PALLD: variants seen among roughly 807,000 people sequenced by gnomAD.
PALLD encodes palladin, cytoskeletal associated protein, also known as palladin.
PALLD carries 61 observed loss-of-function variants against 123.5 expected under a neutral mutation model. That is an observed-to-expected ratio of 0.49 (90% CI 0.40 to 0.61). The LOEUF (loss-of-function observed/expected upper bound fraction) is 0.61, where lower values mean the gene tolerates loss of function less well. Among genes scored for constraint, PALLD ranks in the 20% least tolerant of loss-of-function variants. PALLD has a pLI of 0.00. For missense variants in PALLD, 1,273 were observed against 1,377.0 expected (o/e 0.92, Z 1.20); for synonymous variants, 465 against 496.4 (o/e 0.94, Z 0.84).
Position 168,926,423 on chromosome 4 carries a change from C to T in PALLD, c.*243C>T. The T allele has an allele frequency of 6.9e-7, 1 of 1,442,004 alleles. No homozygotes were observed. The highest frequency in any genetic ancestry group is 9.4e-7 in the Non-Finnish European group (1 of 1,060,534). The allele number at this position is 1,442,004 out of a possible 1,614,324, so 89.3% of individuals were successfully genotyped here. A position where few individuals can be genotyped will look rare whatever the true frequency, so the allele number is the denominator to read the frequency against. ...GTTAAAGCTGAAACACTGAAACAGC[C>T]ATTGCCTTGACCAACATATTCCTTT... is the stretch of plus-strand genomic sequence containing the variant. On this transcript the variant is annotated 3_prime_UTR_variant, in exon 22 of 22. Coordinates refer to ENST00000505667, the MANE Select transcript of PALLD (RefSeq NM_001166108.2).
At chr4:168,608,801 G>A (rs1561300571) in intron 2 of PALLD, among the ~76,000 whole-genome samples, 1 of 150,676 alleles carries the variant, frequency 6.6e-6, no homozygotes, top group African/African-American at 2.4e-5. Flanking sequence ...TCAGATCAGT[G>A]AAACAGGCAT....
intron 10 of PALLD, chr4:168,829,257 T>A (rs1424006725): frequency 1.3e-5 from 2 of 150,918 alleles, no homozygotes; most frequent in East Asian, 3.9e-4. Context: ...CGTGTACGCA[T>A]CTTTCCGGGC....
At chr4:168,920,448 CTG>C (rs1761226633) in intron 17 of PALLD, among the ~76,000 whole-genome samples, 1 of 152,116 alleles carries the variant, frequency 6.6e-6, no homozygotes, top group East Asian at 1.9e-4. Context: ...TTCAAAAGAA[CTG>C]TTTTACAGTC....
intron 1 of PALLD, among the ~76,000 whole-genome samples, chr4:168,498,739 A>G (rs1446979699): frequency 6.6e-6 from 1 of 152,232 alleles, no homozygotes; most frequent in African/African-American, 2.4e-5. Flanking sequence ...GAGAATATAG[A>G]AGCAAATTTG....
In PALLD at chr4:168,877,974, C is replaced by T; in HGVS notation, c.1965-12948C>T. 1 of 1,501,838 alleles carries T rather than the reference C, an allele frequency of 6.7e-7. No homozygotes were observed. The highest frequency in any genetic ancestry group is 1.7e-4 in the Middle Eastern group (1 of 5,726). The allele number at this position is 1,501,838 out of a possible 1,614,324, so 93.0% of individuals were successfully genotyped here. A position where few individuals can be genotyped will look rare whatever the true frequency, so the allele number is the denominator to read the frequency against. On this transcript the variant is annotated intron_variant, in intron 10 of 21. Coordinates refer to ENST00000505667, the MANE Select transcript of PALLD (RefSeq NM_001166108.2). ...TACGCGCGCCCCAAGCAGTTCATCG[C>T]CGCGCAGAACCTCGGGCCCGCGTCG...
At chr4:168,608,036 A>T (rs6825360) in intron 2 of PALLD, among the ~76,000 whole-genome samples, 4,909 of 152,264 alleles carry the variant, frequency 0.032, 248 homozygotes, top group African/African-American at 0.11. Flanking sequence ...CCCACCACTT[A>T]AAGAGCTGGC....
chr4:168,831,665 G>T (rs946683434), intron 10 of PALLD, among the ~76,000 whole-genome samples: 2 of 151,834 alleles, frequency 1.3e-5, no homozygotes, highest in Non-Finnish European at 2.9e-5. Flanking sequence ...AGTTTTTATT[G>T]CTTTCCCCTA....
chr4:168,661,337 C>G (rs1779117047), intron 2 of PALLD, among the ~76,000 whole-genome samples: 1 of 152,148 alleles, frequency 6.6e-6, no homozygotes, highest in Admixed American at 6.5e-5. Flanking sequence ...ACTAAGAAAC[C>G]TGGCTTAGCT....
intron 2 of PALLD, among the ~76,000 whole-genome samples, chr4:168,649,660 G>T (rs999724252): frequency 6.6e-6 from 1 of 152,154 alleles, no homozygotes; most frequent in South Asian, 2.1e-4. Context: ...GCATTACCTT[G>T]TTTGCATAAC....
intron 10 of PALLD, among the ~76,000 whole-genome samples, chr4:168,814,996 C>T (rs1023660610): frequency 1.3e-5 from 2 of 152,126 alleles, no homozygotes; most frequent in East Asian, 3.8e-4. Context: ...GTCTTGAACT[C>T]CTGACCTCAA....
chr4:168,696,031 T>C (rs1300196338), intron 8 of PALLD, among the ~76,000 whole-genome samples: 1 of 143,488 alleles, frequency 7.0e-6, no homozygotes, highest in Admixed American at 7.0e-5. Flanking sequence ...AATCATAGCT[T>C]TTGAGCTTAA....
At chr4:168,878,859 C>G (rs1236689738) in intron 10 of PALLD, among the ~76,000 whole-genome samples, 1 of 152,112 alleles carries the variant, frequency 6.6e-6, no homozygotes, top group East Asian at 1.9e-4. Context: ...GACACGAATC[C>G]ATGCTCTCAC....
At chr4:168,557,493 C>G (rs890574286) in intron 2 of PALLD, among the ~76,000 whole-genome samples, 1 of 152,174 alleles carries the variant, frequency 6.6e-6, no homozygotes. Flanking sequence ...AAACTACAGC[C>G]ATTAAATCAT....
chr4:168,746,380 C>CAAAAAAAAAAAAAAAAAAAAAA (rs747755592), intron 10 of PALLD, among the ~76,000 whole-genome samples: 2 of 37,018 alleles, frequency 5.4e-5, no homozygotes, highest in African/African-American at 1.5e-4. Context: ...GAACCCGTCT[C>CAAAAAAAAAAAAAAAAAAAAAA]AAAAAAAAAA....
chr4:168,783,046 ATGTG>A (rs150595576), intron 10 of PALLD, among the ~76,000 whole-genome samples: 2,020 of 116,144 alleles, frequency 0.017, 48 homozygotes, highest in African/African-American at 0.051. Context: ...TTATATATAT[ATGTG>A]TGTGTGTGTG....
intron 10 of PALLD, among the ~76,000 whole-genome samples, chr4:168,727,232 G>A (rs144689274): frequency 0.013 from 1,938 of 152,216 alleles, 41 homozygotes; most frequent in African/African-American, 0.044. Context: ...TTTCCTTTGG[G>A]TATATACCCA....
intron 10 of PALLD, among the ~76,000 whole-genome samples, chr4:168,752,979 C>T (rs1206948675): frequency 6.6e-6 from 1 of 151,946 alleles, no homozygotes; most frequent in Admixed American, 6.6e-5. Context: ...AGACTTGTGA[C>T]CAAAGCTTTT....
At chr4:168,537,437 G>C (rs1239387450) in intron 2 of PALLD, among the ~76,000 whole-genome samples, 1 of 152,116 alleles carries the variant, frequency 6.6e-6, no homozygotes, top group Non-Finnish European at 1.5e-5. Context: ...GTATTGATTT[G>C]TTTTCTGCTC....
At chr4:168,683,697 A>G (rs1299519983) in intron 5 of PALLD, among the ~76,000 whole-genome samples, 2 of 152,194 alleles carry the variant, frequency 1.3e-5, no homozygotes, top group Non-Finnish European at 2.9e-5. Context: ...GTAGAAAACC[A>G]TTACATCTGG....
Sources: gnomAD v4.1 joint callset for allele counts (sites outside exome capture counted in the v4.1 genomes callset) on GRCh38, gnomAD v4.1.1 for gene constraint, MANE v1.5 for transcripts, NCBI Gene and HGNC (gene_info 2026-07-23, HGNC 2026-07-21) for gene names.